Variants in SEM1 observed in about 807,000 individuals in gnomAD.
SEM1 encodes SEM1 26S proteasome subunit.
A neutral mutation model predicts 12.7 loss-of-function variants in SEM1; 3 were observed. The ratio of observed to expected loss-of-function variants is 0.24; its 90% confidence interval spans 0.11 to 0.61. The LOEUF is 0.61. Ranked by LOEUF, SEM1 falls within the 20% of genes least tolerant of loss-of-function variation. SEM1 has a pLI of 0.88. For synonymous variants in SEM1, 30 were observed against 27.8 expected, an observed-to-expected ratio of 1.08 and a Z score of -0.25; for missense variants, 59 against 81.3, an observed-to-expected ratio of 0.73 and a Z score of 1.06.
chr7:96,509,498 A>G (rs1463120091), intron 2 of SEM1, among the ~76,000 whole-genome samples: 1 of 152,142 alleles, frequency 6.6e-6, no homozygotes, highest in African/African-American at 2.4e-5. Flanking sequence ...GAATCAATGG[A>G]AGAACAAACT....
chr7:96,538,809 T>C (rs1201814084), intron 2 of SEM1, among the ~76,000 whole-genome samples: 2 of 151,726 alleles, frequency 1.3e-5, no homozygotes, highest in Non-Finnish European at 2.9e-5. Context: ...GAAATGCCCT[T>C]TCCTCGGCTG....
chr7:96,490,971 A>T (rs1313209755), intron 1 of SEM1, among the ~76,000 whole-genome samples: 1 of 152,220 alleles, frequency 6.6e-6, no homozygotes, highest in African/African-American at 2.4e-5. Context: ...TTCTGGTCTC[A>T]GCTCCAGCAC....
At chr7:96,562,506 G>T (rs930696754) in intron 2 of SEM1, among the ~76,000 whole-genome samples, 10 of 152,070 alleles carry the variant, frequency 6.6e-5, no homozygotes, top group Non-Finnish European at 1.0e-4. Context: ...TATGATAAGC[G>T]CTACGCTAAA....
intron 2 of SEM1, among the ~76,000 whole-genome samples, chr7:96,596,482 C>T (rs1306490017): frequency 1.3e-5 from 2 of 152,134 alleles, no homozygotes; most frequent in African/African-American, 4.8e-5. Flanking sequence ...ACCATTAAGT[C>T]GGTCCAATTC....
intron 1 of SEM1, among the ~76,000 whole-genome samples, chr7:96,706,895 C>G (rs1790484601): frequency 6.6e-6 from 1 of 152,068 alleles, no homozygotes; most frequent in Admixed American, 6.6e-5. Context: ...TTAACAACAC[C>G]AATTTTAATT....
At chr7:96,645,989 T>C (rs150765005) in intron 2 of SEM1, 121 of 397,454 alleles carry the variant, frequency 3.0e-4, no homozygotes, top group Admixed American at 4.4e-4. Context: ...TATAGTTTCT[T>C]TCATACATTA....
chr7:96,488,022 G>T (rs974898688), intron 1 of SEM1, among the ~76,000 whole-genome samples: 1 of 140,176 alleles, frequency 7.1e-6, no homozygotes, highest in Non-Finnish European at 1.5e-5. Context: ...GAAGATATCC[G>T]TACTCATGTG....
Position 96,548,898 on chromosome 7 carries a change from C to G in SEM1, c.171-42200G>C, listed in dbSNP as rs191467823. ...AAATTCCATAATCCCATGGGGTTTACTCAGAACCTTAGCACATCAGTGCCT... is the reference window on the plus strand; with the variant it reads ...AAATTCCATAATCCCATGGGGTTTAGTCAGAACCTTAGCACATCAGTGCCT... On this transcript the variant is annotated intron_variant and NMD_transcript_variant, in intron 2 of 3. Transcript: ENST00000466986. Among the ~76,000 whole-genome samples, 4 of 152,256 alleles carry G rather than the reference C, an allele frequency of 2.6e-5. No homozygotes were observed. In the East Asian group the frequency reaches 7.7e-4, roughly 29 times the overall value.
At chr7:96,691,898 T>C (rs1415665302) in intron 2 of SEM1, among the ~76,000 whole-genome samples, 1 of 152,166 alleles carries the variant, frequency 6.6e-6, no homozygotes, top group Non-Finnish European at 1.5e-5. Context: ...CCACTGGCAA[T>C]GTGGCAACAA....
At chr7:96,693,790 G>GTGTGTGTGTGTGTGTA (rs1023821213) in intron 2 of SEM1, among the ~76,000 whole-genome samples, 34 of 145,540 alleles carry the variant, frequency 2.3e-4, no homozygotes, top group African/African-American at 8.6e-4. Flanking sequence ...GTGTGTGTGT[G>GTGTGTGTGTGTGTGTA]TATATATATA....
intron 2 of SEM1, among the ~76,000 whole-genome samples, chr7:96,587,790 C>T (rs920526158): frequency 3.3e-5 from 5 of 151,948 alleles, no homozygotes; most frequent in African/African-American, 4.8e-5. Flanking sequence ...TTAGAATACA[C>T]GTGTACACAT....
At chr7:96,570,405 C>G (rs1225624116) in intron 2 of SEM1, among the ~76,000 whole-genome samples, 2 of 151,780 alleles carry the variant, frequency 1.3e-5, no homozygotes, top group East Asian at 2.0e-4. Flanking sequence ...TCCATGTGTT[C>G]TCATTGTTCA....
chr7:96,613,330 A>T (rs982914469), intron 2 of SEM1, among the ~76,000 whole-genome samples: 6 of 152,332 alleles, frequency 3.9e-5, no homozygotes, highest in South Asian at 2.1e-4. Context: ...GCTCATTGTA[A>T]CATCTGCCTA....
intron 2 of SEM1, among the ~76,000 whole-genome samples, chr7:96,611,995 C>CA (rs1807554817): frequency 7.1e-6 from 1 of 140,426 alleles, no homozygotes; most frequent in African/African-American, 2.9e-5. Flanking sequence ...CTTACCCCCC[C>CA]AAATAAAAAA....
At chr7:96,609,070 A>G (rs1261730901) in intron 2 of SEM1, among the ~76,000 whole-genome samples, 1 of 152,172 alleles carries the variant, frequency 6.6e-6, no homozygotes, top group Admixed American at 6.5e-5. Flanking sequence ...GCAATATGTG[A>G]GGGTTCCTGC....
chr7:96,703,064 T>C (rs1188274760), intron 1 of SEM1, among the ~76,000 whole-genome samples: 2 of 152,236 alleles, frequency 1.3e-5, no homozygotes, highest in Non-Finnish European at 2.9e-5. Context: ...CTGAAAGTGA[T>C]CTGTGGGTTA....
chr7:96,619,870 G>A (rs115466846), downstream of SEM1, among the ~76,000 whole-genome samples: 801 of 152,166 alleles, frequency 5.3e-3, 10 homozygotes, highest in African/African-American at 0.018. Context: ...ACGTCAACTC[G>A]AACTTTGCCC....
At chr7:96,598,366 T>A (rs905168037) in intron 2 of SEM1, among the ~76,000 whole-genome samples, 11 of 151,712 alleles carry the variant, frequency 7.3e-5, no homozygotes, top group South Asian at 4.2e-4. Flanking sequence ...TTATTTTTTT[T>A]AAATATTGTA....
At chr7:96,508,743 T>A (rs1047471204) in intron 2 of SEM1, among the ~76,000 whole-genome samples, 1 of 152,080 alleles carries the variant, frequency 6.6e-6, no homozygotes, top group Non-Finnish European at 1.5e-5. Context: ...CAATATAGAA[T>A]GTGGTCAAAG....
Sources: gnomAD v4.1 joint callset for allele counts (sites outside exome capture counted in the v4.1 genomes callset) on GRCh38, gnomAD v4.1.1 for gene constraint, MANE v1.5 for transcripts, NCBI Gene and HGNC (gene_info 2026-07-23, HGNC 2026-07-21) for gene names.